Variants in IQCJ observed in about 807,000 individuals in gnomAD.
IQCJ encodes the protein IQ domain-containing protein J.
Under a neutral mutation model 11.0 loss-of-function variants are expected in IQCJ, and 9 were observed. That is an observed-to-expected ratio of 0.82 (90% CI 0.49 to 1.43). The LOEUF (loss-of-function observed/expected upper bound fraction) is 1.43, where lower values mean the gene tolerates loss of function less well. Ranked by LOEUF, IQCJ falls within the 40% of genes most tolerant of loss-of-function variation. IQCJ has a pLI of 0.00. For synonymous variants in IQCJ, 55 were observed against 51.3 expected (o/e 1.07, Z -0.31); for missense variants, 146 against 133.2 (o/e 1.10, Z -0.47).
At position 159,211,968 on chromosome 3, in the gene IQCJ, A is replaced by T. The variant is rs115100782; in HGVS notation, c.10-33875A>T. 1.6e-3 allele frequency among the ~76,000 whole-genome samples: 249 copies of T among 151,972 alleles called. 1 individual carries two copies. Among genetic ancestry groups the T allele is most frequent in the African/African-American group, 5.8e-3 (240 of 41,422 alleles). ...GGTGTGGGTGAGAGCAGCTGAGTTCAGTAGAAAAGTGTCTAACTGCTGAGA... is the reference window on the plus strand; with the variant it reads ...GGTGTGGGTGAGAGCAGCTGAGTTCTGTAGAAAAGTGTCTAACTGCTGAGA... On this transcript the variant is annotated intron_variant, in intron 1 of 3. Transcript: ENST00000397832.
At chr3:159,084,711 A>C (rs1388318527) in intron 1 of IQCJ, among the ~76,000 whole-genome samples, 1 of 152,102 alleles carries the variant, frequency 6.6e-6, no homozygotes, top group Non-Finnish European at 1.5e-5. Flanking sequence ...GCATGAAAGA[A>C]AAGCACTGAA....
chr3:159,162,301 T>C (rs1052826782), intron 1 of IQCJ, among the ~76,000 whole-genome samples: 5 of 152,222 alleles, frequency 3.3e-5, no homozygotes, highest in Non-Finnish European at 7.3e-5. Context: ...CAATTGTGAA[T>C]GGGAGTTCAC....
chr3:159,231,809 C>G (rs963690141), intron 1 of IQCJ, among the ~76,000 whole-genome samples: 12 of 152,134 alleles, frequency 7.9e-5, no homozygotes, highest in African/African-American at 2.7e-4. Flanking sequence ...AATTTCAGAG[C>G]TTGTTATTGG....
intron 1 of IQCJ, among the ~76,000 whole-genome samples, chr3:159,138,572 C>T (rs143609454): frequency 3.6e-4 from 55 of 152,246 alleles, no homozygotes; most frequent in African/African-American, 1.3e-3. Flanking sequence ...ACCTGTATTA[C>T]GCTAAACAGT....
Position 159,107,210 on chromosome 3 carries a change from G to A in IQCJ, c.9+37769G>A, listed in dbSNP as rs114792786. ...CCAAGGCTGTAGTATTAGGAGGTAG[G>A]GCCTTCAGAAAAGTGATTAAATGGT... On this transcript the variant is annotated intron_variant, in intron 1 of 3. Transcript: ENST00000397832. Among the ~76,000 whole-genome samples, 1,457 of 152,146 alleles carry A rather than the reference G, an allele frequency of 9.6e-3. 24 individuals are homozygous for A. Among genetic ancestry groups the A allele is most frequent in the African/African-American group, 0.034 (1,407 of 41,500 alleles).
chr3:159,084,714 G>A (rs549197011), intron 1 of IQCJ, among the ~76,000 whole-genome samples: 1 of 152,126 alleles, frequency 6.6e-6, no homozygotes, highest in East Asian at 1.9e-4. Context: ...TGAAAGAAAA[G>A]CACTGAATAA....
At chr3:159,147,733 A>G (rs1434675199) in intron 1 of IQCJ, among the ~76,000 whole-genome samples, 1 of 152,242 alleles carries the variant, frequency 6.6e-6, no homozygotes, top group African/African-American at 2.4e-5. Context: ...CAGGATAACA[A>G]ATATATGAAC....
At chr3:159,260,140 C>T (rs1278998190) in intron 3 of IQCJ, among the ~76,000 whole-genome samples, 2 of 152,122 alleles carry the variant, frequency 1.3e-5, no homozygotes, top group Non-Finnish European at 2.9e-5. Context: ...ATGCCAATTT[C>T]CAAATTCCAT....
In IQCJ at chr3:159,130,994, C is replaced by T. The variant is rs530359484; in HGVS notation, c.9+61553C>T. ...TAAAATAAAACTTTATCTTTCCTAC[C>T]TCTCAGGATTATTCTAGGGAAAGAA... On this transcript the variant is annotated intron_variant, in intron 1 of 3. Coordinates refer to ENST00000397832, the MANE Select transcript of IQCJ (RefSeq NM_001042706.3). Among the ~76,000 whole-genome samples the T allele has an allele frequency of 3.3e-5, 5 of 152,174 alleles. 1 individual carries two copies. Among genetic ancestry groups the T allele is most frequent in the African/African-American group, 9.6e-5 (4 of 41,520 alleles).
chr3:159,184,002 A>T (rs1962071), intron 1 of IQCJ, among the ~76,000 whole-genome samples: 1 of 150,876 alleles, frequency 6.6e-6, no homozygotes, highest in Non-Finnish European at 1.5e-5. Context: ...CCCACGCAGC[A>T]GCCAGAGATC....
intron 1 of IQCJ, among the ~76,000 whole-genome samples, chr3:159,205,757 T>G (rs184771897): frequency 6.6e-6 from 1 of 152,320 alleles, no homozygotes; most frequent in East Asian, 1.9e-4. Flanking sequence ...GTGAGTACTC[T>G]TTGTGACATC....
intron 1 of IQCJ, among the ~76,000 whole-genome samples, chr3:159,096,392 G>T (rs1717756615): frequency 6.8e-6 from 1 of 146,946 alleles, no homozygotes; most frequent in African/African-American, 2.5e-5. Flanking sequence ...TGTCAATTTT[G>T]TCTTTTGTTG....
At chr3:159,126,309 G>A (rs905321308) in intron 1 of IQCJ, among the ~76,000 whole-genome samples, 2 of 152,158 alleles carry the variant, frequency 1.3e-5, no homozygotes, top group African/African-American at 4.8e-5. Flanking sequence ...ACCTCTTAGG[G>A]CTGTGAAGAA....
rs141780515 is a variant in IQCJ, at chr3:159,196,765, C to T, written c.10-49078C>T. ...CCCATGTTTCAGAGAAATCAAGGCA[C>T]TGAGATGTTATGTAACTTACCCAAT... On this transcript the variant is annotated intron_variant, in intron 1 of 3. Transcript: ENST00000397832. Among the ~76,000 whole-genome samples, 475 of 152,270 alleles carry T rather than the reference C, an allele frequency of 3.1e-3. 1 individual carries two copies. Among genetic ancestry groups the T allele is most frequent in the African/African-American group, 0.011 (451 of 41,538 alleles).
chr3:159,073,694 C>A (rs1715731908), intron 1 of IQCJ, among the ~76,000 whole-genome samples: 1 of 152,084 alleles, frequency 6.6e-6, no homozygotes, highest in Non-Finnish European at 1.5e-5. Flanking sequence ...GCCACAGCAT[C>A]ATCTATGTTA....
chr3:159,266,014 G>A (rs1016558409), downstream of IQCJ: 9 of 152,160 alleles, frequency 5.9e-5, no homozygotes, highest in South Asian at 6.2e-4. Context: ...CAAAAGTAAC[G>A]TTTAAGTATG....
chr3:159,161,374 G>A (rs935489922), intron 1 of IQCJ, among the ~76,000 whole-genome samples: 2 of 152,100 alleles, frequency 1.3e-5, no homozygotes, highest in African/African-American at 4.8e-5. Context: ...TTTTGATGTG[G>A]TTGTTTGTTT....
chr3:159,203,994 A>G (rs1351855406), intron 1 of IQCJ, among the ~76,000 whole-genome samples: 1 of 152,156 alleles, frequency 6.6e-6, no homozygotes, highest in Non-Finnish European at 1.5e-5. Flanking sequence ...CAGTGATCAG[A>G]AGGTCATGGC....
At chr3:159,155,259 G>C (rs1432073866) in intron 1 of IQCJ, among the ~76,000 whole-genome samples, 4 of 152,314 alleles carry the variant, frequency 2.6e-5, no homozygotes, top group Admixed American at 1.3e-4. Flanking sequence ...TTGGGTTCAA[G>C]AGATTCTCCT....
Sources: gnomAD v4.1 joint callset for allele counts (sites outside exome capture counted in the v4.1 genomes callset) on GRCh38, gnomAD v4.1.1 for gene constraint, MANE v1.5 for transcripts, NCBI Gene and HGNC (gene_info 2026-07-23, HGNC 2026-07-21) for gene names.